Variants in ZSWIM5 observed in about 807,000 individuals in gnomAD.
The protein encoded by ZSWIM5 is zinc finger SWIM domain-containing protein 5.
In ZSWIM5, 55 loss-of-function variants were observed where a neutral mutation model predicts 119.6. The ratio of observed to expected loss-of-function variants is 0.46; its 90% confidence interval spans 0.37 to 0.58. The LOEUF is 0.58. Ranked by LOEUF, ZSWIM5 falls within the 20% of genes least tolerant of loss-of-function variation. ZSWIM5 has a pLI of 0.00. For synonymous variants in ZSWIM5, 537 were observed against 606.9 expected (o/e 0.88, Z 1.69); for missense variants, 1,193 against 1,512.8 (o/e 0.79, Z 3.51).
intron 1 of ZSWIM5, among the ~76,000 whole-genome samples, chr1:45,095,847 C>A (rs1288495152): frequency 6.6e-6 from 1 of 152,038 alleles, no homozygotes; most frequent in African/African-American, 2.4e-5. Flanking sequence ...AAAGTTTTGA[C>A]TGTCTTTCTT....
intron 1 of ZSWIM5, among the ~76,000 whole-genome samples, chr1:45,113,774 T>C (rs1209880482): frequency 6.6e-6 from 1 of 152,240 alleles, no homozygotes; most frequent in African/African-American, 2.4e-5. Flanking sequence ...AACTGCCTGC[T>C]GGACATCCCC....
intron 1 of ZSWIM5, among the ~76,000 whole-genome samples, chr1:45,129,653 A>G (rs1351850882): frequency 2.0e-5 from 3 of 152,218 alleles, no homozygotes; most frequent in African/African-American, 4.8e-5. Context: ...TTACAAAGGT[A>G]CAAAAGCAAT....
chr1:45,098,688 A>T (rs1645419184), intron 1 of ZSWIM5, among the ~76,000 whole-genome samples: 2 of 152,208 alleles, frequency 1.3e-5, no homozygotes, highest in Non-Finnish European at 2.9e-5. Context: ...CAGAAATCAC[A>T]ACAAACTGCC....
At chr1:45,086,750 G>A (rs1460398906) in intron 2 of ZSWIM5, among the ~76,000 whole-genome samples, 3 of 151,844 alleles carry the variant, frequency 2.0e-5, no homozygotes, top group Admixed American at 1.3e-4. Flanking sequence ...CCTACACCTC[G>A]TGCACATGTA....
chr1:45,058,495 T>C, intron 4 of ZSWIM5, 114 bp downstream of exon 4: 4 of 1,365,402 alleles, frequency 2.9e-6, no homozygotes, highest in East Asian at 2.4e-5. Flanking sequence ...CTAAGTCTTC[T>C]ACCAGCTGGA....
intron 11 of ZSWIM5, among the ~76,000 whole-genome samples, chr1:45,022,823 T>C (rs983117933): frequency 1.3e-5 from 2 of 152,220 alleles, no homozygotes; most frequent in African/African-American, 2.4e-5. Context: ...TAACCTACCA[T>C]CATACCCTCC....
chr1:45,176,147 A>T (rs1782459), intron 1 of ZSWIM5, among the ~76,000 whole-genome samples: 20,753 of 148,184 alleles, frequency 0.14, 1,576 homozygotes, highest in Non-Finnish European at 0.15. Flanking sequence ...TATATATATA[A>T]TATATATTAT....
At chr1:45,056,088 G>A (rs571051923) in intron 4 of ZSWIM5, among the ~76,000 whole-genome samples, 39 of 152,282 alleles carry the variant, frequency 2.6e-4, no homozygotes, top group African/African-American at 8.2e-4. Flanking sequence ...TTGTGATTTC[G>A]ACAACAGCTA....
At chr1:45,195,472 A>G (rs1446415780) in intron 1 of ZSWIM5, among the ~76,000 whole-genome samples, 1 of 151,976 alleles carries the variant, frequency 6.6e-6, no homozygotes, top group East Asian at 1.9e-4. Context: ...GGGTCAAGTG[A>G]TCCTCCCACC....
At chr1:45,030,490 G>A (rs997385288) in intron 11 of ZSWIM5, among the ~76,000 whole-genome samples, 18 of 151,436 alleles carry the variant, frequency 1.2e-4, no homozygotes, top group East Asian at 3.9e-4. Flanking sequence ...TAGGTTATCC[G>A]CCCGCCTCAG....
chr1:45,178,411 G>A (rs1645994363), intron 1 of ZSWIM5, among the ~76,000 whole-genome samples: 1 of 152,082 alleles, frequency 6.6e-6, no homozygotes, highest in African/African-American at 2.4e-5. Flanking sequence ...GTGATAGAGT[G>A]AGACTCCGTC....
At position 45,102,841 on chromosome 1, in the gene ZSWIM5, T is replaced by C. The variant is rs906957743; in HGVS notation, c.596-14604A>G. 4.6e-5 allele frequency among the ~76,000 whole-genome samples: 7 copies of C among 152,290 alleles called. No individual in the cohort carries two copies. The East Asian group carries it at 1.3e-3, about 29-fold the overall frequency. The stretch of plus-strand genomic sequence containing the variant: ...GATTATTTTCCATAATGTATGTATA[T>C]AGATTTTTAAATTATTTATTTATTT... On this transcript the variant is annotated intron_variant, in intron 1 of 13. Transcript: ENST00000359600.
At chr1:45,083,224 A>G (rs984592618) in intron 2 of ZSWIM5, among the ~76,000 whole-genome samples, 5 of 152,178 alleles carry the variant, frequency 3.3e-5, no homozygotes, top group Non-Finnish European at 5.9e-5. Context: ...AGTGAGCAAG[A>G]GTTCCTAGAA....
chr1:45,085,462 A>T (rs1249956345), intron 2 of ZSWIM5, among the ~76,000 whole-genome samples: 16 of 147,474 alleles, frequency 1.1e-4, no homozygotes, highest in Non-Finnish European at 6.0e-5. Context: ...CAGGCTGAAA[A>T]TTTTCCAAAC....
In ZSWIM5 at chr1:45,016,688, C is replaced by G. The variant is rs542843227; in HGVS notation, c.*1766G>C. The G allele has an allele frequency of 6.6e-6, 1 of 152,338 alleles. No individual in the cohort carries two copies. The highest frequency in any genetic ancestry group is 1.5e-5 in the Non-Finnish European group (1 of 68,036). 9.4% of individuals were successfully genotyped at this position (152,338 alleles called of 1,614,324 possible). A position where few individuals can be genotyped will look rare whatever the true frequency, so the allele number is the denominator to read the frequency against. ...GATGGAGAAGTTCTTAGTTCACATTCTAGCTATACCACCCCTTCCCTATCA... is the reference window on the plus strand; with the variant it reads ...GATGGAGAAGTTCTTAGTTCACATTGTAGCTATACCACCCCTTCCCTATCA... On this transcript the variant is annotated 3_prime_UTR_variant, in exon 14 of 14. Transcript: ENST00000359600.
chr1:45,028,958 T>C (rs898991047), intron 11 of ZSWIM5, among the ~76,000 whole-genome samples: 2 of 152,104 alleles, frequency 1.3e-5, no homozygotes, highest in African/African-American at 2.4e-5. Flanking sequence ...TATTTTGAAA[T>C]AATTTTACTT....
intron 1 of ZSWIM5, among the ~76,000 whole-genome samples, chr1:45,097,757 AG>A (rs1276984884): frequency 6.6e-6 from 1 of 151,966 alleles, no homozygotes; most frequent in East Asian, 1.9e-4. Context: ...GCTGGAGTGC[AG>A]TGGTGCGATC....
chr1:45,152,240 C>G (rs145570298), intron 1 of ZSWIM5, among the ~76,000 whole-genome samples: 1 of 149,574 alleles, frequency 6.7e-6, no homozygotes, highest in East Asian at 1.9e-4. Context: ...AAGATCTGAC[C>G]AAAAAAAAAG....
In ZSWIM5 at chr1:45,166,279, A is replaced by G. The variant is rs1284511132; in HGVS notation, c.595+39477T>C. On this transcript the variant is annotated intron_variant, in intron 1 of 13. Coordinates refer to ENST00000359600, the MANE Select transcript of ZSWIM5 (RefSeq NM_020883.2). ...ACAAACTTCAACAGCCCTTCATGCT[A>G]AAAACTCTCAATAAACTAGGTATTG... Among the ~76,000 whole-genome samples, 6 of 152,226 alleles carry G rather than the reference A, an allele frequency of 3.9e-5. No homozygotes were observed. In the East Asian group the frequency reaches 1.2e-3, roughly 29 times the overall value.
Sources: allele counts gnomAD v4.1 joint callset (sites outside exome capture counted in the v4.1 genomes callset), GRCh38; gene constraint gnomAD v4.1.1; transcripts MANE v1.5; gene names NCBI Gene and HGNC (gene_info 2026-07-23, HGNC 2026-07-21).